The following ITPR1 variants were observed in gnomAD, a reference collection of about 807,000 sequenced individuals.
ITPR1 encodes inositol 1,4,5-trisphosphate-gated calcium channel ITPR1.
In ITPR1, 96 loss-of-function variants were observed where a neutral mutation model predicts 318.4. That is an observed-to-expected ratio of 0.30 (90% confidence interval 0.26 to 0.36). The LOEUF (loss-of-function observed/expected upper bound fraction) is 0.36. Among genes scored for constraint, ITPR1 ranks in the 10% least tolerant of loss-of-function variants. The pLI, the probability that ITPR1 is intolerant of heterozygous loss-of-function variation, is 1.00. For missense variants in ITPR1, 2,440 were observed against 3,460.2 expected (o/e 0.71, Z 7.40); for synonymous variants, 1,312 against 1,289.9 (o/e 1.02, Z -0.37).
At chr3:4,571,957 A>G (rs1242652390) in intron 4 of ITPR1, among the ~76,000 whole-genome samples, 1 of 152,112 alleles carries the variant, frequency 6.6e-6, no homozygotes, top group Non-Finnish European at 1.5e-5. Context: ...TCAAGCACCT[A>G]CTATGAATTT....
At chr3:4,591,488 G>C (rs990561807) in intron 4 of ITPR1, among the ~76,000 whole-genome samples, 6 of 152,184 alleles carry the variant, frequency 3.9e-5, no homozygotes, top group African/African-American at 1.2e-4. Flanking sequence ...GTGATATTGA[G>C]CTTTTCTTCA....
intron 53 of ITPR1, 145 bp from the exon 54 acceptor site, chr3:4,800,280 G>A (rs2048143676): frequency 2.9e-6 from 2 of 699,772 alleles, no homozygotes; most frequent in Non-Finnish European, 4.7e-6. Flanking sequence ...ACTGGTTATG[G>A]ATGGGGCAGA....
intron 4 of ITPR1, among the ~76,000 whole-genome samples, chr3:4,626,587 C>T (rs1232504146): frequency 2.6e-5 from 4 of 152,134 alleles, no homozygotes; most frequent in Admixed American, 2.6e-4. Flanking sequence ...TCTTTTGAAG[C>T]CACTTGTCCA....
intron 7 of ITPR1, 74 bp from the exon 8 acceptor site, chr3:4,644,062 C>G: frequency 1.1e-6 from 1 of 945,486 alleles, no homozygotes; most frequent in South Asian, 1.4e-5. Flanking sequence ...CATATGTCTT[C>G]TAGAACTGCC....
At chr3:4,622,269 C>T (rs1207680282) in intron 4 of ITPR1, among the ~76,000 whole-genome samples, 2 of 151,662 alleles carry the variant, frequency 1.3e-5, no homozygotes, top group African/African-American at 4.8e-5. Context: ...CGCATGCCAC[C>T]ATGCCCAGCT....
At chr3:4,839,968 C>T (rs932996429) in intron 61 of ITPR1, among the ~76,000 whole-genome samples, 3 of 147,470 alleles carry the variant, frequency 2.0e-5, no homozygotes, top group African/African-American at 7.5e-5. Context: ...GTGCTTTTAC[C>T]AGGATTGATC....
chr3:4,774,881 GAA>G (rs1369061236), intron 46 of ITPR1, among the ~76,000 whole-genome samples: 1 of 152,222 alleles, frequency 6.6e-6, no homozygotes, highest in Non-Finnish European at 1.5e-5. Flanking sequence ...ACCGCCCTTG[GAA>G]ATGTCAGATG....
At chr3:4,574,393 G>A (rs186761193) in intron 4 of ITPR1, among the ~76,000 whole-genome samples, 72 of 152,282 alleles carry the variant, frequency 4.7e-4, no homozygotes, top group African/African-American at 1.5e-3. Flanking sequence ...GGATTTTAAA[G>A]CATTATAAAG....
At chr3:4,580,337 A>T (rs2089198147) in intron 4 of ITPR1, among the ~76,000 whole-genome samples, 1 of 152,196 alleles carries the variant, frequency 6.6e-6, no homozygotes, top group Non-Finnish European at 1.5e-5. Context: ...TTCGATAAGG[A>T]TTGTCTGGCT....
At chr3:4,595,216 T>A (rs2090707850) in intron 4 of ITPR1, among the ~76,000 whole-genome samples, 1 of 152,234 alleles carries the variant, frequency 6.6e-6, no homozygotes, top group African/African-American at 2.4e-5. Context: ...CTCATGGTTC[T>A]GCAGACATAT....
At chr3:4,563,474 A>G (rs1472879557) in intron 4 of ITPR1, among the ~76,000 whole-genome samples, 1 of 152,204 alleles carries the variant, frequency 6.6e-6, no homozygotes, top group Admixed American at 6.5e-5. Flanking sequence ...ATACCACTGC[A>G]CTCCAGCCTG....
chr3:4,772,040 C>T (rs1034550903), intron 46 of ITPR1, among the ~76,000 whole-genome samples: 1 of 152,220 alleles, frequency 6.6e-6, no homozygotes, highest in Admixed American at 6.5e-5. Context: ...TGGAATCATC[C>T]TTAAAAACTC....
intron 5 of ITPR1, among the ~76,000 whole-genome samples, chr3:4,632,929 CTTTTTTT>C (rs1156474451): frequency 3.8e-4 from 25 of 66,022 alleles, no homozygotes; most frequent in African/African-American, 1.5e-3. Context: ...ACTTTCAGGT[CTTTTTTT>C]TTTTTTTTTT....
At position 4,642,330 on chromosome 3, in the gene ITPR1, A is replaced by G. The variant is rs575224499; in HGVS notation, c.525+79A>G. The G allele has an allele frequency of 5.1e-6, 6 of 1,179,120 alleles. No homozygotes were observed. The East Asian group carries it at 1.7e-4, about 33-fold the overall frequency. The allele number at this position is 1,179,120 out of a possible 1,614,324, so 73.0% of individuals were successfully genotyped here. A position where few individuals can be genotyped will look rare whatever the true frequency, so the allele number is the denominator to read the frequency against. ...ACTGTATATTAGAGTTAAGGAGGAG[A>G]CGTTGAAAGTTGGAACCAGAGGCTT... On this transcript the variant is annotated intron_variant, in intron 7 of 61. Transcript: ENST00000649015.
At chr3:4,600,251 C>T (rs2091168270) in intron 4 of ITPR1, among the ~76,000 whole-genome samples, 1 of 152,156 alleles carries the variant, frequency 6.6e-6, no homozygotes, top group Admixed American at 6.5e-5. Context: ...GACATGCTGG[C>T]CCCCAGTTTC....
chr3:4,805,375 G>T (rs980033297), intron 54 of ITPR1, among the ~76,000 whole-genome samples: 1 of 152,190 alleles, frequency 6.6e-6, no homozygotes, highest in Admixed American at 6.5e-5. Context: ...AAAGAGCTCA[G>T]TGGACATCAT....
rs2043191114 is a variant in ITPR1, at chr3:4,735,250, A to G, written c.5440A>G (p.Asn1814Asp). Residue 1814 changes from asparagine to aspartate, a missense_variant, in exon 44 of 62, where the codon AAT becomes GAT. Physicochemically the swap from Asn to Asp is conservative, Grantham distance 23 (BLOSUM62 1). This residue lies in a region of ITPR1 where 80 missense variants were observed against 122.0 expected (regional missense o/e 0.66). Coordinates refer to ENST00000649015, the MANE Select transcript of ITPR1 (RefSeq NM_001378452.1). ...TCACCTTGACAAGGAGGGGGCTTCCAATCTAGTTATCGACCTCATCATGAA... is the reference window on the plus strand; with the variant it reads ...TCACCTTGACAAGGAGGGGGCTTCCGATCTAGTTATCGACCTCATCATGAA... Reference protein sequence around the residue: ...QCHLDKEGASNLVIDLIMNAS... With the variant: ...QCHLDKEGASDLVIDLIMNAS... 2.5e-6 allele frequency: 4 copies of G among 1,613,964 alleles called. No individual in the cohort carries two copies. Among genetic ancestry groups the G allele is most frequent in the Non-Finnish European group, 3.4e-6 (4 of 1,179,826 alleles).
intron 4 of ITPR1, among the ~76,000 whole-genome samples, chr3:4,530,262 A>G (rs1440925134): frequency 1.3e-5 from 2 of 152,166 alleles, no homozygotes; most frequent in Non-Finnish European, 2.9e-5. Context: ...AAAGGGACCA[A>G]ATCTTGCCCT....
chr3:4,748,846 T>A (rs1481562222), intron 44 of ITPR1, among the ~76,000 whole-genome samples: 1 of 152,240 alleles, frequency 6.6e-6, no homozygotes, highest in Non-Finnish European at 1.5e-5. Flanking sequence ...TTGGAGTATG[T>A]TTCTACATTT....
Sources: allele counts gnomAD v4.1 joint callset (sites outside exome capture counted in the v4.1 genomes callset), GRCh38; gene constraint gnomAD v4.1.1; regional missense constraint gnomAD v4.1.1; transcripts MANE v1.5; gene names NCBI Gene and HGNC (gene_info 2026-07-23, HGNC 2026-07-21).